Variants in CHFR observed in about 807,000 individuals in gnomAD.
The protein encoded by CHFR is E3 ubiquitin-protein ligase CHFR.
CHFR carries 57 observed loss-of-function variants against 87.6 expected under a neutral mutation model. The observed-to-expected ratio is 0.65, with a 90% CI of 0.53 to 0.81. The LOEUF is 0.81. CHFR is among the 30% of genes least tolerant of loss of function. CHFR has a pLI of 0.00. For synonymous variants in CHFR, 381 were observed against 359.2 expected (o/e 1.06, Z -0.69); for missense variants, 797 against 865.8 (o/e 0.92, Z 1.00).
chr12:132,858,425 C>A (rs1951133813), intron 8 of CHFR, among the ~76,000 whole-genome samples: 1 of 151,308 alleles, frequency 6.6e-6, no homozygotes, highest in African/African-American at 2.4e-5. Context: ...CTACAAAAAA[C>A]ACAAAAATCA....
chr12:132,885,843 G>T (rs1248846933), intron 2 of CHFR, among the ~76,000 whole-genome samples: 1 of 152,152 alleles, frequency 6.6e-6, no homozygotes, highest in Non-Finnish European at 1.5e-5. Context: ...TAGGGCCTCT[G>T]CTCTTCACCA....
intron 3 of CHFR, among the ~76,000 whole-genome samples, chr12:132,874,583 G>GC (rs1951576852): frequency 7.0e-6 from 1 of 142,422 alleles, no homozygotes; most frequent in Non-Finnish European, 1.5e-5. Context: ...AGCACCCAGC[G>GC]TGGGAAAGCC....
Position 132,843,903 on chromosome 12 carries a change from T to C in CHFR, c.1843+124A>G, listed in dbSNP as rs567050128. On this transcript the variant is annotated intron_variant, in intron 16 of 17. Transcript: ENST00000450056. ...GGCAGAGGTTGCAGTGAGCCGAGAT[T>C]GCACCACTGCACTCCAGCCTGGGCA... The C allele has an allele frequency of 6.7e-5, 39 of 584,758 alleles. No homozygotes were observed. In the Admixed American group the frequency reaches 7.7e-4, roughly 12 times the overall value. The allele number at this position is 584,758 out of a possible 1,614,324, so 36.2% of individuals were successfully genotyped here. A position where few individuals can be genotyped will look rare whatever the true frequency, so the allele number is the denominator to read the frequency against.
intron 15 of CHFR, among the ~76,000 whole-genome samples, 182 bp from the exon 16 acceptor site, chr12:132,844,316 G>A (rs1566174083): frequency 1.3e-5 from 2 of 152,194 alleles, no homozygotes; most frequent in African/African-American, 2.4e-5. Context: ...ACGGAGTCTC[G>A]CTCTGTCGCC....
chr12:132,870,625 A>G (rs896681772), intron 5 of CHFR, 99 bp downstream of exon 5: 19 of 800,286 alleles, frequency 2.4e-5, no homozygotes, highest in Admixed American at 4.0e-5. Flanking sequence ...GCGCCACCGC[A>G]CTCCAGCCTG....
At chr12:132,871,428 C>G (rs10870531) in intron 4 of CHFR, among the ~76,000 whole-genome samples, 95,059 of 151,084 alleles carry the variant, frequency 0.63, 30,374 homozygotes, top group Middle Eastern at 0.83. Flanking sequence ...CTCCAGCCTC[C>G]GCAACAGAGC....
intron 15 of CHFR, among the ~76,000 whole-genome samples, chr12:132,845,390 G>A (rs1016660800): frequency 6.6e-6 from 1 of 151,916 alleles, no homozygotes; most frequent in Non-Finnish European, 1.5e-5. Flanking sequence ...CCTGGGAGGC[G>A]GAGCTTGCAG....
Position 132,844,036 on chromosome 12 carries a change from C to G in CHFR, c.1834G>C (p.Glu612Gln), listed in dbSNP as rs777155485. The G allele has an allele frequency of 1.2e-6, 2 of 1,612,228 alleles. No homozygotes were observed. Among genetic ancestry groups the G allele is most frequent in the Admixed American group, 3.3e-5 (2 of 59,994 alleles). ...YQYRQNIPAS[E>Q]LPVAVTSRPD... Reference sequence around the variant, plus strand: ...GTCGGGGGCTCCTTACCTGGCAACTCGGAAGCAGGAATGTTCTGCCGATAC... The same window carrying G: ...GTCGGGGGCTCCTTACCTGGCAACTGGGAAGCAGGAATGTTCTGCCGATAC... The change falls in exon 16 of 18, where the codon GAG becomes CAG. Residue 612 changes from glutamate (E) to glutamine (Q), a missense_variant. Transcript: ENST00000450056.
chr12:132,853,465 C>T lies in CHFR; in HGVS notation c.1338G>A (p.Gly446=), dbSNP rs1189940191. The T allele has an allele frequency of 6.5e-7, 1 of 1,545,506 alleles. No homozygotes were observed. The highest frequency in any genetic ancestry group is 1.4e-5 in the African/African-American group (1 of 71,576). Residue 446 remains glycine (G), a synonymous_variant, in exon 11 of 18, where the codon GGG becomes GGA. Transcript: ENST00000450056. ...GGCTGACGGACGTGGAGGGTGCATC[C>T]CCCAGGGCCTGTGGGGCTCCTGGCT... ...EGEPGAPQAL[G]DAPSTSVSLT...
chr12:132,861,746 T>C lies in CHFR; in HGVS notation c.584-112A>G. On this transcript the variant is annotated intron_variant, in intron 6 of 17. Transcript: ENST00000450056. ...GTGCAGCTGGCAGCCTGAGATGTCG[T>C]AGTTTAGGAATGACAAGTGGCTTAC... is the stretch of plus-strand genomic sequence containing the variant. The C allele has an allele frequency of 3.1e-6, 3 of 967,858 alleles. 1 individual carries two copies. The South Asian group carries it at 4.7e-5, about 15-fold the overall frequency. 60.0% of individuals were successfully genotyped at this position (967,858 alleles called of 1,614,324 possible). A position where few individuals can be genotyped will look rare whatever the true frequency, so the allele number is the denominator to read the frequency against.
chr12:132,851,630 C>T lies in CHFR; in HGVS notation c.1480G>A (p.Ala494Thr), dbSNP rs746554223. 5.3e-5 allele frequency: 86 copies of T among 1,611,038 alleles called. No individual in the cohort carries two copies. The highest frequency in any genetic ancestry group is 6.6e-5 in the Non-Finnish European group (78 of 1,179,210). Reference sequence around the variant, plus strand: ...CGCGGGCACTCACACTGCTGAGGGGCGACACGCGGGTCCTGCTCGCGCTCC... The same window carrying T: ...CGCGGGCACTCACACTGCTGAGGGGTGACACGCGGGTCCTGCTCGCGCTCC... ...RAEREQDPRV[A>T]PQQCAVCLQP... Residue 494 changes from alanine to threonine, a missense_variant, in exon 12 of 18, where the codon GCC becomes ACC. By Grantham distance (58) the Ala-to-Thr change is moderately conservative. Around this residue, in one of 2 missense-constraint regions of CHFR, gnomAD observed 200 missense variants for 264.6 expected, o/e 0.76. Transcript: ENST00000450056.
chr12:132,873,437 G>A (rs1040364544), intron 3 of CHFR, among the ~76,000 whole-genome samples: 7 of 152,312 alleles, frequency 4.6e-5, no homozygotes, highest in East Asian at 1.9e-4. Flanking sequence ...TGGAAGATGC[G>A]GTTTTGAGCT....
chr12:132,871,677 CA>C, intron 4 of CHFR, among the ~76,000 whole-genome samples: 1 of 151,856 alleles, frequency 6.6e-6, no homozygotes, highest in African/African-American at 2.4e-5. Flanking sequence ...GAGGCTGAGG[CA>C]GGAGAATTGC....
intron 4 of CHFR, chr12:132,871,998 C>T (rs1951501289): frequency 1.1e-5 from 4 of 375,650 alleles, no homozygotes; most frequent in Non-Finnish European, 1.4e-5. Context: ...AGTTCTTCTC[C>T]TGTAGAACCC....
chr12:132,872,707 T>C (rs1416265199), intron 3 of CHFR, among the ~76,000 whole-genome samples: 3 of 152,168 alleles, frequency 2.0e-5, no homozygotes, highest in African/African-American at 7.2e-5. Context: ...GTCTACAGTG[T>C]GGTGCTTCCA....
rs1825338461 is a variant in CHFR at position 132,836,600 on chromosome 12, C to T, written c.*4954G>A. On this transcript the variant is annotated 3_prime_UTR_variant, in exon 18 of 18. Transcript: ENST00000450056. Reference sequence around the variant, plus strand: ...ACGGCGCACGGCACTCACTCCTGGTCTGACTGGCCTTCAACATTCTCTCCT... The same window carrying T: ...ACGGCGCACGGCACTCACTCCTGGTTTGACTGGCCTTCAACATTCTCTCCT... 1 of 454,946 alleles carries T rather than the reference C, an allele frequency of 2.2e-6. No individual in the cohort carries two copies. Among genetic ancestry groups the T allele is most frequent in the Admixed American group, 2.4e-5 (1 of 42,502 alleles). The allele number at this position is 454,946 out of a possible 1,614,324, so 28.2% of individuals were successfully genotyped here. A position where few individuals can be genotyped will look rare whatever the true frequency, so the allele number is the denominator to read the frequency against.
intron 8 of CHFR, among the ~76,000 whole-genome samples, 156 bp downstream of exon 8, chr12:132,858,912 C>T (rs1012820237): frequency 2.0e-5 from 3 of 151,782 alleles, no homozygotes; most frequent in Admixed American, 6.6e-5. Context: ...CCACCCACTC[C>T]ACCCACTCCA....
chr12:132,853,752 G>A (rs1229267656), intron 10 of CHFR, 179 bp from the exon 11 acceptor site: 6 of 667,424 alleles, frequency 9.0e-6, no homozygotes, highest in Middle Eastern at 4.1e-4. Flanking sequence ...GGACCAGAAC[G>A]AGTCGAAGGG....
rs1950665048 is a variant in CHFR, at chr12:132,838,540, G to C, written c.*3014C>G. On this transcript the variant is annotated 3_prime_UTR_variant, in exon 18 of 18. Coordinates refer to ENST00000450056, the MANE Select transcript of CHFR (RefSeq NM_001161346.2). ...GAGCACAGAGGGAGCCGCAGATGAGGAGTGCGTGGGGAGACGGTCTGTGGG... is the reference window on the plus strand; with the variant it reads ...GAGCACAGAGGGAGCCGCAGATGAGCAGTGCGTGGGGAGACGGTCTGTGGG... The C allele has an allele frequency of 6.6e-6, 1 of 152,620 alleles. No individual in the cohort carries two copies. The highest frequency in any genetic ancestry group is 6.5e-5 in the Admixed American group (1 of 15,280). The allele number at this position is 152,620 out of a possible 1,614,324, so 9.5% of individuals were successfully genotyped here.
Sources: gnomAD v4.1 joint callset for allele counts (sites outside exome capture counted in the v4.1 genomes callset) on GRCh38, gnomAD v4.1.1 for gene constraint, gnomAD v4.1.1 regional missense constraint, MANE v1.5 for transcripts, NCBI Gene and HGNC (gene_info 2026-07-23, HGNC 2026-07-21) for gene names.